The following BICC1 variants were observed in gnomAD, a reference collection of about 807,000 sequenced individuals.
BICC1 encodes protein bicaudal C homolog 1.
BICC1 carries 43 observed loss-of-function variants against 111.0 expected under a neutral mutation model. The observed-to-expected ratio is 0.39, with a 90% CI of 0.30 to 0.50. The LOEUF is 0.50. Among genes scored for constraint, BICC1 ranks in the 20% least tolerant of loss-of-function variants. The pLI is 0.88. For synonymous variants in BICC1, 467 were observed against 434.4 expected (o/e 1.07, Z -0.93); for missense variants, 1,091 against 1,203.2 (o/e 0.91, Z 1.38).
intron 3 of BICC1, among the ~76,000 whole-genome samples, chr10:58,755,678 T>A (rs1005572040): frequency 1.3e-5 from 2 of 152,034 alleles, no homozygotes. Context: ...TTTTTTTTTC[T>A]CCTTTTTATT....
intron 2 of BICC1, among the ~76,000 whole-genome samples, chr10:58,690,810 T>C (rs1839886264): frequency 1.3e-5 from 2 of 152,100 alleles, no homozygotes; most frequent in South Asian, 4.2e-4. Context: ...CTGAGTTGAG[T>C]AGTAAAATGT....
chr10:58,780,098 T>C (rs1842845691), intron 3 of BICC1, among the ~76,000 whole-genome samples: 1 of 152,180 alleles, frequency 6.6e-6, no homozygotes, highest in African/African-American at 2.4e-5. Flanking sequence ...GTAATGCCCG[T>C]CTTGATTATA....
chr10:58,669,681 A>G (rs1839122130), intron 2 of BICC1, among the ~76,000 whole-genome samples: 1 of 152,160 alleles, frequency 6.6e-6, no homozygotes, highest in African/African-American at 2.4e-5. Flanking sequence ...TAGGTCCCAC[A>G]TAGCTGCCAG....
intron 2 of BICC1, among the ~76,000 whole-genome samples, chr10:58,658,218 C>T (rs771739426): frequency 3.9e-5 from 6 of 152,140 alleles, no homozygotes; most frequent in Non-Finnish European, 5.9e-5. Flanking sequence ...GACAGAGTCT[C>T]AGTCTGTCAC....
At chr10:58,790,957 T>C (rs551447676) in intron 8 of BICC1, among the ~76,000 whole-genome samples, 13 of 152,370 alleles carry the variant, frequency 8.5e-5, no homozygotes, top group African/African-American at 2.9e-4. Context: ...TAGTGGCATT[T>C]GAATCAGTAA....
At chr10:58,667,909 G>C (rs138508805) in intron 2 of BICC1, among the ~76,000 whole-genome samples, 217 of 152,096 alleles carry the variant, frequency 1.4e-3, no homozygotes, top group African/African-American at 5.0e-3. Context: ...TGCTTAATCA[G>C]GTTAAGTAGA....
intron 3 of BICC1, among the ~76,000 whole-genome samples, chr10:58,714,763 A>C (rs1840684613): frequency 1.3e-5 from 2 of 152,084 alleles, no homozygotes; most frequent in South Asian, 4.1e-4. Context: ...GGCTGGACAG[A>C]ATTCAGGGAC....
chr10:58,711,210 G>A lies in BICC1; in HGVS notation c.307+9067G>A, dbSNP rs528302725. On this transcript the variant is annotated intron_variant, in intron 3 of 20. Transcript: ENST00000373886. ...GATCATCACTTGGTGAATGCTAATCGAGGGCCAAGAGTAGAAATTCACCCA... is the reference window on the plus strand; with the variant it reads ...GATCATCACTTGGTGAATGCTAATCAAGGGCCAAGAGTAGAAATTCACCCA... Among the ~76,000 whole-genome samples, 12 of 152,206 alleles carry A rather than the reference G, an allele frequency of 7.9e-5. No homozygotes were observed. The South Asian group carries it at 2.5e-3, about 32-fold the overall frequency.
chr10:58,796,729 T>C (rs776668755), intron 10 of BICC1, among the ~76,000 whole-genome samples: 8 of 152,164 alleles, frequency 5.3e-5, no homozygotes, highest in Non-Finnish European at 8.8e-5. Context: ...ATTCTTCCCA[T>C]GTTTGCATAA....
At chr10:58,602,481 CAT>C (rs1427518433) in intron 1 of BICC1, among the ~76,000 whole-genome samples, 5 of 152,130 alleles carry the variant, frequency 3.3e-5, no homozygotes, top group Non-Finnish European at 7.4e-5. Flanking sequence ...AAAATGAATT[CAT>C]GTTAAGAAAC....
chr10:58,562,233 C>T (rs544582629), intron 1 of BICC1, among the ~76,000 whole-genome samples: 8 of 152,136 alleles, frequency 5.3e-5, no homozygotes, highest in African/African-American at 1.7e-4. Flanking sequence ...TCCTATAATG[C>T]GAAAATATGT....
intron 1 of BICC1, among the ~76,000 whole-genome samples, chr10:58,530,398 C>A (rs919714772): frequency 6.6e-6 from 1 of 151,882 alleles, no homozygotes. Flanking sequence ...GGTCTGTCAG[C>A]TTCTGTTCCC....
intron 2 of BICC1, among the ~76,000 whole-genome samples, chr10:58,687,879 T>C (rs1589022884): frequency 6.6e-6 from 1 of 152,086 alleles, no homozygotes; most frequent in Admixed American, 6.5e-5. Context: ...CAAGCCCCAG[T>C]GAGATGAACC....
chr10:58,767,952 G>A (rs908688069), intron 3 of BICC1, among the ~76,000 whole-genome samples: 4 of 151,932 alleles, frequency 2.6e-5, no homozygotes, highest in African/African-American at 4.8e-5. Flanking sequence ...GGATTTATGC[G>A]ATACCATCAG....
At chr10:58,713,621 C>T in intron 3 of BICC1, among the ~76,000 whole-genome samples, 1 of 152,168 alleles carries the variant, frequency 6.6e-6, no homozygotes, top group Non-Finnish European at 1.5e-5. Context: ...CTGTAAGAAG[C>T]AAGCACATAA....
At chr10:58,821,289 A>T (rs1256200463) in intron 20 of BICC1, among the ~76,000 whole-genome samples, 4 of 152,166 alleles carry the variant, frequency 2.6e-5, no homozygotes, top group Non-Finnish European at 5.9e-5. Context: ...AGACAGACAC[A>T]CCAGGGGCAG....
At chr10:58,634,099 ATTCTGCCTCAGCCTCCT>A (rs1837882976) in intron 2 of BICC1, among the ~76,000 whole-genome samples, 1 of 149,890 alleles carries the variant, frequency 6.7e-6, no homozygotes, top group Non-Finnish European at 1.5e-5. Flanking sequence ...GGTTCAAGCA[ATTCTGCCTCAGCCTCCT>A]GAGTAGCTGG....
At position 58,785,038 on chromosome 10, in the gene BICC1, TAAAG is replaced by T; in HGVS notation, c.348_351del (p.Glu117ProfsTer4). 1 of 1,600,858 alleles carries T rather than the reference TAAAG, an allele frequency of 6.2e-7. No homozygotes were observed. Among genetic ancestry groups the T allele is most frequent in the Non-Finnish European group, 8.5e-7 (1 of 1,172,820 alleles). Reference sequence around the variant, plus strand: ...AGGTTTCTGGAAAGAAAGAAGATGTTAAAGAAGCCAAGGAAATGATCATGTCTGT... The same window carrying T: ...AGGTTTCTGGAAAGAAAGAAGATGTTAAGCCAAGGAAATGATCATGTCTGT... On this transcript the variant is annotated frameshift_variant, in exon 4 of 21. Coordinates refer to ENST00000373886, the MANE Select transcript of BICC1 (RefSeq NM_001080512.3). LOFTEE classifies it high-confidence loss of function.
At chr10:58,795,376 G>A (rs1346300766) in intron 9 of BICC1, among the ~76,000 whole-genome samples, 1 of 152,166 alleles carries the variant, frequency 6.6e-6, no homozygotes, top group Admixed American at 6.5e-5. Context: ...TTAATTTTAT[G>A]TATCGTGAAG....
Sources: allele counts gnomAD v4.1 joint callset (sites outside exome capture counted in the v4.1 genomes callset), GRCh38; gene constraint gnomAD v4.1.1; transcripts MANE v1.5; gene names NCBI Gene and HGNC (gene_info 2026-07-23, HGNC 2026-07-21).